The following MTF1 variants were observed in gnomAD, a reference collection of about 807,000 sequenced individuals.
The protein encoded by MTF1 is metal regulatory transcription factor 1, also known as MRE-binding transcription factor.
A neutral mutation model predicts 70.4 loss-of-function variants in MTF1; 22 were observed. That is an observed-to-expected ratio of 0.31 (90% confidence interval 0.22 to 0.45). The LOEUF is 0.45. Among genes scored for constraint, MTF1 ranks in the 20% least tolerant of loss-of-function variants. The pLI is 1.00. For missense variants in MTF1, 649 were observed against 922.0 expected (o/e 0.70, Z 3.83); for synonymous variants, 333 against 352.8 (o/e 0.94, Z 0.63).
At position 37,810,879 on chromosome 1, in the gene MTF1, A is replaced by C. The variant is rs1307418583; in HGVS notation, c.*4257T>G. The C allele has an allele frequency of 6.6e-6, 1 of 152,328 alleles. No individual in the cohort carries two copies. Among genetic ancestry groups the C allele is most frequent in the Non-Finnish European group, 1.5e-5 (1 of 68,046 alleles). 9.4% of individuals were successfully genotyped at this position (152,328 alleles called of 1,614,324 possible). A position where few individuals can be genotyped will look rare whatever the true frequency, so the allele number is the denominator to read the frequency against. On this transcript the variant is annotated 3_prime_UTR_variant, in exon 11 of 11. Transcript: ENST00000373036. The stretch of plus-strand genomic sequence containing the variant: ...GGAGGCCTTTTTGCTTAAGGAACCA[A>C]CACAGGTAGTATGGGGAGCAGTATG...
intron 2 of MTF1, among the ~76,000 whole-genome samples, chr1:37,852,723 TG>T (rs1430100155): frequency 6.6e-6 from 1 of 152,076 alleles, no homozygotes; most frequent in East Asian, 1.9e-4. Context: ...CTCCGCCCTC[TG>T]GGTTCAAGTG....
At chr1:37,831,215 T>G (rs1214592483) in intron 7 of MTF1, among the ~76,000 whole-genome samples, 1 of 152,180 alleles carries the variant, frequency 6.6e-6, no homozygotes, top group Non-Finnish European at 1.5e-5. Flanking sequence ...AGAGTTGGTC[T>G]CATAAGAGCA....
At chr1:37,855,160 AAGTAAATGGAGGTGG>A (rs2148423867) in intron 2 of MTF1, among the ~76,000 whole-genome samples, 1 of 152,316 alleles carries the variant, frequency 6.6e-6, no homozygotes, top group East Asian at 1.9e-4. Context: ...AGGGACATTT[AAGTAAATGGAGGTGG>A]TTAGCCTGTA....
Position 37,812,862 on chromosome 1 carries a change from T to G in MTF1, c.*2274A>C, listed in dbSNP as rs1270370586. 1 of 152,204 alleles carries G rather than the reference T, an allele frequency of 6.6e-6. No individual in the cohort carries two copies. Among genetic ancestry groups the G allele is most frequent in the African/African-American group, 2.4e-5 (1 of 41,426 alleles). The allele number at this position is 152,204 out of a possible 1,614,324, so 9.4% of individuals were successfully genotyped here. Reference sequence around the variant, plus strand: ...AGGCCCAGAGACAGCCAAGGACAACTCATGCTCAGCAGTTGGTTTTCCAGG... The same window carrying G: ...AGGCCCAGAGACAGCCAAGGACAACGCATGCTCAGCAGTTGGTTTTCCAGG... On this transcript the variant is annotated 3_prime_UTR_variant, in exon 11 of 11. Transcript: ENST00000373036.
chr1:37,851,708 A>G (rs945888793), intron 2 of MTF1, among the ~76,000 whole-genome samples: 1 of 152,226 alleles, frequency 6.6e-6, no homozygotes, highest in African/African-American at 2.4e-5. Context: ...CTCATGAAAC[A>G]CTTTCACACA....
intron 7 of MTF1, among the ~76,000 whole-genome samples, chr1:37,828,700 TA>T: frequency 6.6e-6 from 1 of 152,280 alleles, no homozygotes; most frequent in East Asian, 1.9e-4. Flanking sequence ...TGCTTTTCTG[TA>T]TGTATATTGT....
intron 2 of MTF1, among the ~76,000 whole-genome samples, chr1:37,850,209 G>A (rs1430269795): frequency 8.1e-6 from 1 of 123,542 alleles, no homozygotes; most frequent in African/African-American, 3.1e-5. Flanking sequence ...CTGTACTCCA[G>A]CCTGGCTACA....
chr1:37,820,012 A>G (rs1393888951), intron 9 of MTF1, among the ~76,000 whole-genome samples: 1 of 150,304 alleles, frequency 6.7e-6, no homozygotes. Flanking sequence ...AAATATCTGA[A>G]AAGAAAATGG....
chr1:37,850,955 G>A (rs961073714), intron 2 of MTF1, among the ~76,000 whole-genome samples: 5 of 151,678 alleles, frequency 3.3e-5, no homozygotes, highest in Non-Finnish European at 5.9e-5. Flanking sequence ...CAAAAACCAA[G>A]CTGAAAAAAA....
Position 37,838,819 on chromosome 1 carries a change from T to TTTTC in MTF1, c.648-64_648-63insGAAA, listed in dbSNP as rs869148427. The TTTTC allele has an allele frequency of 7.6e-6, 9 of 1,185,062 alleles. No homozygotes were observed. In the African/African-American group the frequency reaches 7.8e-5, roughly 10 times the overall value. 73.4% of individuals were successfully genotyped at this position (1,185,062 alleles called of 1,614,324 possible). On this transcript the variant is annotated intron_variant, in intron 3 of 10. Transcript: ENST00000373036. ...ATTCTTTTTTTTTTTTTTTTTTTTTTCTGAGACAGAGTTTCGCTCTTGTCG... is the reference window on the plus strand; with the variant it reads ...ATTCTTTTTTTTTTTTTTTTTTTTTTTTTCCTGAGACAGAGTTTCGCTCTTGTCG...
chr1:37,849,055 A>G (rs1421813419), intron 2 of MTF1, among the ~76,000 whole-genome samples: 3 of 152,192 alleles, frequency 2.0e-5, no homozygotes, highest in Non-Finnish European at 4.4e-5. Flanking sequence ...TAAAAGAAAT[A>G]ACTCTCCTCT....
At chr1:37,823,313 C>G (rs987396552) in intron 8 of MTF1, among the ~76,000 whole-genome samples, 1 of 151,896 alleles carries the variant, frequency 6.6e-6, no homozygotes, top group African/African-American at 2.4e-5. Flanking sequence ...TGTGGTAGCA[C>G]GTGCCTGTGG....
chr1:37,825,684 A>T (rs1481575967), intron 7 of MTF1, among the ~76,000 whole-genome samples: 3 of 152,150 alleles, frequency 2.0e-5, no homozygotes, highest in Non-Finnish European at 4.4e-5. Context: ...CAGCAAAACC[A>T]ACCCCTCCTC....
chr1:37,841,029 T>C, intron 2 of MTF1: 1 of 216,356 alleles, frequency 4.6e-6, no homozygotes, highest in Non-Finnish European at 9.4e-6. Flanking sequence ...GACATGAAGA[T>C]CAAGTCCCTG....
intron 1 of MTF1, among the ~76,000 whole-genome samples, chr1:37,857,917 C>G (rs1641524185): frequency 6.6e-6 from 1 of 151,466 alleles, no homozygotes; most frequent in Non-Finnish European, 1.5e-5. Context: ...TGGCTCACAC[C>G]TGTAATCCCA....
intron 7 of MTF1, among the ~76,000 whole-genome samples, chr1:37,826,291 C>T (rs796790345): frequency 1.3e-5 from 2 of 151,912 alleles, no homozygotes; most frequent in Non-Finnish European, 2.9e-5. Flanking sequence ...TTCTTCTTTT[C>T]CCCCCCTTTT....
chr1:37,828,589 G>A (rs948368010), intron 7 of MTF1, among the ~76,000 whole-genome samples: 1 of 152,198 alleles, frequency 6.6e-6, no homozygotes, highest in Non-Finnish European at 1.5e-5. Context: ...ATAGGCGTAA[G>A]CCACCACGCC....
intron 2 of MTF1, among the ~76,000 whole-genome samples, chr1:37,842,623 C>T (rs1235323235): frequency 6.6e-6 from 1 of 152,166 alleles, no homozygotes; most frequent in East Asian, 1.9e-4. Context: ...CCAATTTTGT[C>T]TCTCATCTCC....
At chr1:37,845,140 C>T (rs926971556) in intron 2 of MTF1, among the ~76,000 whole-genome samples, 2 of 152,162 alleles carry the variant, frequency 1.3e-5, no homozygotes, top group Non-Finnish European at 2.9e-5. Flanking sequence ...AGAAGTGGCG[C>T]TTGATTTATA....
Sources: allele counts gnomAD v4.1 joint callset (sites outside exome capture counted in the v4.1 genomes callset), GRCh38; gene constraint gnomAD v4.1.1; transcripts MANE v1.5; gene names NCBI Gene and HGNC (gene_info 2026-07-23, HGNC 2026-07-21).